The following SLF2 variants were observed in gnomAD, a reference collection of about 807,000 sequenced individuals.
The protein encoded by SLF2 is SMC5-SMC6 complex localization factor protein 2.
Under a neutral mutation model 124.3 loss-of-function variants are expected in SLF2, and 68 were observed. That is an observed-to-expected ratio of 0.55 (90% CI 0.45 to 0.67). The LOEUF (loss-of-function observed/expected upper bound fraction) is 0.67. SLF2 is among the 30% of genes least tolerant of loss of function. The pLI, the probability that SLF2 is intolerant of heterozygous loss-of-function variation, is 0.00. For missense variants in SLF2, 1,246 were observed against 1,373.7 expected (o/e 0.91, Z 1.47); for synonymous variants, 480 against 478.8 (o/e 1.00, Z -0.03).
At chr10:100,945,211 A>G in intron 12 of SLF2, 119 bp from the exon 13 acceptor site, 1 of 756,992 alleles carries the variant, frequency 1.3e-6, no homozygotes, top group Non-Finnish European at 2.0e-6. Flanking sequence ...TAGACATCGG[A>G]TGTTTGTTTT....
chr10:100,960,858 T>C (rs1564787325), intron 19 of SLF2, among the ~76,000 whole-genome samples: 1 of 152,046 alleles, frequency 6.6e-6, no homozygotes, highest in Non-Finnish European at 1.5e-5. Flanking sequence ...GCCAGCCTGC[T>C]TGTTTACAGA....
At position 100,959,512 on chromosome 10, in the gene SLF2, A is replaced by G; in HGVS notation, c.3486+16A>G. Reference sequence around the variant, plus strand: ...GCCTACTCAGGTGTCATTTTGTTATACAATTTCATGTATTCTTAATAGTTT... The same window carrying G: ...GCCTACTCAGGTGTCATTTTGTTATGCAATTTCATGTATTCTTAATAGTTT... On this transcript the variant is annotated intron_variant, in intron 19 of 19. Transcript: ENST00000238961. The G allele has an allele frequency of 6.2e-7, 1 of 1,612,892 alleles. No homozygotes were observed. The highest frequency in any genetic ancestry group is 8.5e-7 in the Non-Finnish European group (1 of 1,179,652).
chr10:100,926,474 C>T, intron 6 of SLF2: 1 of 484,098 alleles, frequency 2.1e-6, no homozygotes, highest in Non-Finnish European at 3.5e-6. Context: ...CATGGTGCCA[C>T]ATACCTATGG....
At chr10:100,941,282 T>C (rs1489907959) in intron 11 of SLF2, among the ~76,000 whole-genome samples, 1 of 152,208 alleles carries the variant, frequency 6.6e-6, no homozygotes, top group Non-Finnish European at 1.5e-5. Flanking sequence ...AATATTTAGA[T>C]AGAGAAAATT....
intron 4 of SLF2, among the ~76,000 whole-genome samples, chr10:100,922,861 C>T (rs1849546076): frequency 6.6e-6 from 1 of 151,676 alleles, no homozygotes. Flanking sequence ...GTGCAACCAC[C>T]ACCTCCCAGG....
chr10:100,918,385 A>C lies in SLF2; in HGVS notation c.917A>C (p.Glu306Ala), dbSNP rs1849461665. The change falls in exon 4 of 20, where the codon GAA (glutamate) becomes GCA (alanine). Residue 306 changes from glutamate (E) to alanine (A), a missense_variant and splice_region_variant. By Grantham distance (107) the Glu-to-Ala change is moderately radical (BLOSUM62 -1). This residue lies in a region of SLF2 where 698 missense variants were observed against 708.9 expected (regional missense o/e 0.98). Coordinates refer to ENST00000238961, the MANE Select transcript of SLF2 (RefSeq NM_018121.4). ...AATTTTATCTCATTGTGCTCATAGG[A>C]AAATGGACATCTCTCAAGAAAAAGA... is the stretch of plus-strand genomic sequence containing the variant. ...IPGKNNLSNV[E>A]NGHLSRKRSS... The C allele has an allele frequency of 1.3e-6, 2 of 1,590,196 alleles. No homozygotes were observed. Among genetic ancestry groups the C allele is most frequent in the Non-Finnish European group, 1.7e-6 (2 of 1,166,446 alleles).
intron 17 of SLF2, among the ~76,000 whole-genome samples, chr10:100,955,450 C>T (rs1850312481): frequency 6.6e-6 from 1 of 152,034 alleles, no homozygotes; most frequent in Admixed American, 6.6e-5. Context: ...ACCAACATCA[C>T]CAAATATCAA....
At chr10:100,961,852 T>C in intron 19 of SLF2, 25 bp from the exon 20 acceptor site, 2 of 1,604,668 alleles carry the variant, frequency 1.2e-6, no homozygotes, top group South Asian at 1.1e-5. Flanking sequence ...TGCTTTACCC[T>C]CTTTTTTCTC....
At position 100,924,223 on chromosome 10, in the gene SLF2, G is replaced by A. The variant is rs1359566646; in HGVS notation, c.1222G>A (p.Ala408Thr). ...AACTGATGGCTCTTCTGCAGGCTTG[G>A]CACCTTCAAATTCTGGCAATTCTGG... ...DETDGSSAGL[A>T]PSNSGNSGHH... Residue 408 changes from alanine to threonine, a missense_variant, in exon 5 of 20, where the codon GCA (alanine) becomes ACA (threonine). Ala to Thr is a moderately conservative substitution (Grantham distance 58). This residue lies in a region of SLF2 where 698 missense variants were observed against 708.9 expected (regional missense o/e 0.98). Coordinates refer to ENST00000238961, the MANE Select transcript of SLF2 (RefSeq NM_018121.4). 6.2e-7 allele frequency: 1 copy of A among 1,614,102 alleles called. No individual in the cohort carries two copies. The highest frequency in any genetic ancestry group is 2.2e-5 in the East Asian group (1 of 44,882).
Position 100,959,486 on chromosome 10 carries a change from G to A in SLF2, c.3476G>A (p.Arg1159Gln), listed in dbSNP as rs770442229. The A allele has an allele frequency of 3.5e-5, 56 of 1,612,834 alleles. No individual in the cohort carries two copies. Among genetic ancestry groups the A allele is most frequent in the Non-Finnish European group, 4.4e-5 (52 of 1,179,670 alleles). The change falls in exon 19 of 20, where the codon CGG becomes CAG. Residue 1159 changes from arginine to glutamine, a missense_variant. Arg to Gln is a conservative substitution (Grantham distance 43). Around this residue, in one of 3 missense-constraint regions of SLF2, gnomAD observed 535 missense variants for 632.8 expected, o/e 0.85. Coordinates refer to ENST00000238961, the MANE Select transcript of SLF2 (RefSeq NM_018121.4). ...GKWQEIIQNC[R>Q]PTQGQLHDFW... is the part of the protein sequence containing the mutation. The stretch of plus-strand genomic sequence containing the variant: ...TGGCAGGAAATAATCCAGAACTGTC[G>A]GCCTACTCAGGTGTCATTTTGTTAT...
Position 100,962,106 on chromosome 10 carries a change from T to A in SLF2, c.*194T>A. ...AAGCAGATATGAAATATGATCTGCT[T>A]AATTGTTAAGGCAACTGACCTTTCA... is the stretch of plus-strand genomic sequence containing the variant. On this transcript the variant is annotated 3_prime_UTR_variant, in exon 20 of 20. Transcript: ENST00000238961. The A allele has an allele frequency of 2.0e-6, 1 of 488,884 alleles. No individual in the cohort carries two copies. The highest frequency in any genetic ancestry group is 3.6e-6 in the Non-Finnish European group (1 of 280,498). The allele number at this position is 488,884 out of a possible 1,614,324, so 30.3% of individuals were successfully genotyped here.
At chr10:100,959,179 A>G in intron 18 of SLF2, among the ~76,000 whole-genome samples, 1 of 152,230 alleles carries the variant, frequency 6.6e-6, no homozygotes, top group East Asian at 1.9e-4. Context: ...ATGATCTTCA[A>G]TAACAGGAAA....
intron 4 of SLF2, among the ~76,000 whole-genome samples, chr10:100,919,833 G>T (rs1475738018): frequency 6.6e-6 from 1 of 152,166 alleles, no homozygotes; most frequent in Non-Finnish European, 1.5e-5. Context: ...TATGATAGTG[G>T]TTTACTTTTA....
In SLF2 at chr10:100,962,025, A is replaced by G. The variant is rs944802304; in HGVS notation, c.*113A>G. On this transcript the variant is annotated 3_prime_UTR_variant, in exon 20 of 20. Coordinates refer to ENST00000238961, the MANE Select transcript of SLF2 (RefSeq NM_018121.4). ...ATGAATGCCAAGAAAATGTACAGCA[A>G]ATGTGCCACTTGAATATCTAGTATG... 1 of 964,002 alleles carries G rather than the reference A, an allele frequency of 1.0e-6. No homozygotes were observed. The highest frequency in any genetic ancestry group is 1.5e-6 in the Non-Finnish European group (1 of 647,002). 59.7% of individuals were successfully genotyped at this position (964,002 alleles called of 1,614,324 possible).
At chr10:100,960,210 A>G (rs1302063078) in intron 19 of SLF2, among the ~76,000 whole-genome samples, 1 of 152,256 alleles carries the variant, frequency 6.6e-6, no homozygotes, top group African/African-American at 2.4e-5. Flanking sequence ...CATTCTGGCT[A>G]TTACAAATAA....
chr10:100,936,937 T>C (rs1849875625), intron 9 of SLF2, among the ~76,000 whole-genome samples: 1 of 152,156 alleles, frequency 6.6e-6, no homozygotes, highest in Non-Finnish European at 1.5e-5. Flanking sequence ...CTTCTCCACG[T>C]ATCATATATA....
rs1278057406 is a variant in SLF2 at position 100,917,019 on chromosome 10, A to G, written c.634A>G (p.Ser212Gly). ...TVAEADIFNN[S>G]SRSLSSRSSL... ...GGCAGAAGCTGACATCTTCAATAACAGCTCCAGAAGCCTTAGCAGCAGGAG... is the reference window on the plus strand; with the variant it reads ...GGCAGAAGCTGACATCTTCAATAACGGCTCCAGAAGCCTTAGCAGCAGGAG... Residue 212 changes from serine to glycine, a missense_variant, in exon 3 of 20, where the codon AGC becomes GGC. By Grantham distance (56) the Ser-to-Gly change is moderately conservative. Around this residue, in one of 3 missense-constraint regions of SLF2, gnomAD observed 698 missense variants for 708.9 expected, o/e 0.98. Coordinates refer to ENST00000238961, the MANE Select transcript of SLF2 (RefSeq NM_018121.4). The G allele has an allele frequency of 6.2e-7, 1 of 1,614,124 alleles. No homozygotes were observed. Among genetic ancestry groups the G allele is most frequent in the Non-Finnish European group, 8.5e-7 (1 of 1,180,052 alleles).
At position 100,924,635 on chromosome 10, in the gene SLF2, T is replaced by C. The variant is rs1276466917; in HGVS notation, c.1634T>C (p.Leu545Ser). ...TCAGGGAAAATTTCTGGGGGACCTT[T>C]GCGCTCAGAATATGGCACTCCTACA... The part of the protein sequence containing the change: ...VSSGKISGGP[L>S]RSEYGTPTKS... The change falls in exon 5 of 20, where the codon TTG (leucine) becomes TCG (serine). Residue 545 changes from leucine to serine, a missense_variant. By Grantham distance (145) the Leu-to-Ser change is moderately radical. Coordinates refer to ENST00000238961, the MANE Select transcript of SLF2 (RefSeq NM_018121.4). The C allele has an allele frequency of 6.2e-7, 1 of 1,614,072 alleles. No homozygotes were observed. Among genetic ancestry groups the C allele is most frequent in the East Asian group, 2.2e-5 (1 of 44,890 alleles).
chr10:100,924,180 C>G lies in SLF2; in HGVS notation c.1179C>G (p.Ser393=), dbSNP rs752856756. ...PGDVLRLEDI[S]KEPSDETDGS... is the part of the protein sequence containing the mutation. Reference sequence around the variant, plus strand: ...ATGTGTTGCGCTTAGAAGATATATCCAAGGAACCGAGTGATGAAACTGATG... The same window carrying G: ...ATGTGTTGCGCTTAGAAGATATATCGAAGGAACCGAGTGATGAAACTGATG... The change falls in exon 5 of 20, where the codon TCC becomes TCG. Residue 393 remains serine, a synonymous_variant. Coordinates refer to ENST00000238961, the MANE Select transcript of SLF2 (RefSeq NM_018121.4). 1.5e-5 allele frequency: 24 copies of G among 1,613,986 alleles called. No individual in the cohort carries two copies. Among genetic ancestry groups the G allele is most frequent in the Admixed American group, 1.3e-4 (8 of 59,998 alleles).
Sources: gnomAD v4.1 joint callset for allele counts (sites outside exome capture counted in the v4.1 genomes callset) on GRCh38, gnomAD v4.1.1 for gene constraint, gnomAD v4.1.1 regional missense constraint, MANE v1.5 for transcripts, NCBI Gene and HGNC (gene_info 2026-07-23, HGNC 2026-07-21) for gene names.